ATOSA: variants seen among roughly 807,000 people sequenced by gnomAD.
ATOSA encodes the protein atos homolog protein A.
chr15:52,606,780 GA>G, the ATOSA span, among the ~76,000 whole-genome samples: 1 of 152,086 alleles, frequency 6.6e-6, no homozygotes, highest in East Asian at 1.9e-4. Context: ...ATCTTCTGAA[GA>G]AAAATATAAA....
At chr15:52,643,604 T>C in the ATOSA span, among the ~76,000 whole-genome samples, 9 of 152,112 alleles carry the variant, frequency 5.9e-5, no homozygotes, top group Admixed American at 4.6e-4. Context: ...TTTTTTTTTT[T>C]TGGAACTAAC....
chr15:52,686,652 A>AC, the ATOSA span, among the ~76,000 whole-genome samples: 1 of 152,216 alleles, frequency 6.6e-6, no homozygotes, highest in Non-Finnish European at 1.5e-5. Context: ...AAGCTCAATT[A>AC]GGCATAGAGA....
At chr15:52,658,471 ATTT>A in the ATOSA span, 1 of 350,132 alleles carries the variant, frequency 2.9e-6, no homozygotes, top group East Asian at 4.3e-5. Flanking sequence ...AGTTTTCACC[ATTT>A]TAGACCAGCA....
At chr15:52,608,559 G>A in the ATOSA span, 1 of 1,545,256 alleles carries the variant, frequency 6.5e-7, no homozygotes, top group Non-Finnish European at 8.7e-7. Flanking sequence ...CATATTAGAT[G>A]TTACTTACCA....
At chr15:52,654,813 G>C in the ATOSA span, among the ~76,000 whole-genome samples, 1 of 152,006 alleles carries the variant, frequency 6.6e-6, no homozygotes, top group Admixed American at 6.6e-5. Flanking sequence ...TACTTTAAGA[G>C]ATAACATGCT....
chr15:52,653,819 T>C, the ATOSA span, among the ~76,000 whole-genome samples: 1 of 152,230 alleles, frequency 6.6e-6, no homozygotes. Flanking sequence ...ACGTAGGTAC[T>C]ATGTCTACTT....
chr15:52,679,073 C>G, the ATOSA span: 1 of 152,704 alleles, frequency 6.5e-6, no homozygotes, highest in Non-Finnish European at 1.5e-5. Flanking sequence ...GCGCAGCGGC[C>G]CCCGCGGCTG....
At chr15:52,609,455 C>A in the ATOSA span, 313 of 1,613,558 alleles carry the variant, frequency 1.9e-4, no homozygotes, top group African/African-American at 3.5e-3. Context: ...GCAATCCTTG[C>A]AATAACATCT....
At chr15:52,695,484 T>C in the ATOSA span, among the ~76,000 whole-genome samples, 12 of 152,250 alleles carry the variant, frequency 7.9e-5, no homozygotes, top group Admixed American at 7.9e-4. Context: ...CCGCCTTTTC[T>C]TCCTTTGTGA....
the ATOSA span, among the ~76,000 whole-genome samples, chr15:52,698,474 A>C: frequency 1.3e-5 from 2 of 152,220 alleles, no homozygotes; most frequent in Non-Finnish European, 2.9e-5. Flanking sequence ...TGTTCATAAT[A>C]TCCAAAAGAT....
chr15:52,613,561 T>C, the ATOSA span: 3,870 of 1,243,682 alleles, frequency 3.1e-3, 21 homozygotes, highest in South Asian at 0.016. Flanking sequence ...TTTATGATTA[T>C]GATCAATTTT....
the ATOSA span, chr15:52,677,898 T>C: frequency 7.1e-7 from 1 of 1,408,340 alleles, no homozygotes; most frequent in Non-Finnish European, 1.0e-6. Context: ...TAATCACATA[T>C]GATACAGAAA....
the ATOSA span, among the ~76,000 whole-genome samples, chr15:52,618,629 G>A: frequency 1.3e-5 from 2 of 152,166 alleles, no homozygotes; most frequent in African/African-American, 4.8e-5. Context: ...CTTGCAGTAG[G>A]AATTATCAAG....
chr15:52,692,902 T>C, the ATOSA span, among the ~76,000 whole-genome samples: 1 of 151,900 alleles, frequency 6.6e-6, no homozygotes, highest in Non-Finnish European at 1.5e-5. Context: ...CCTTATGCCT[T>C]GGCCTCCCAA....
At chr15:52,691,895 C>T in the ATOSA span, among the ~76,000 whole-genome samples, 1 of 151,702 alleles carries the variant, frequency 6.6e-6, no homozygotes, top group African/African-American at 2.4e-5. Context: ...GTCAAAGATC[C>T]ACTCCAAAAA....
the ATOSA span, among the ~76,000 whole-genome samples, chr15:52,616,258 C>G: frequency 6.6e-6 from 1 of 152,174 alleles, no homozygotes. Context: ...GTGGTGAAGA[C>G]AGTGGTGAGG....
the ATOSA span, among the ~76,000 whole-genome samples, chr15:52,668,907 AT>A: frequency 0.1 from 14,582 of 142,154 alleles, 921 homozygotes; most frequent in East Asian, 0.34. Context: ...TGGGTTTGAA[AT>A]TTTTTTTTTT....
chr15:52,610,526 C>T, the ATOSA span: 1 of 780,214 alleles, frequency 1.3e-6, no homozygotes, highest in Admixed American at 3.1e-5. Context: ...AGCCACTTTA[C>T]CATGCATATA....
the ATOSA span, among the ~76,000 whole-genome samples, chr15:52,692,369 A>G: frequency 2.0e-5 from 3 of 152,154 alleles, no homozygotes; most frequent in Admixed American, 2.0e-4. Flanking sequence ...AAAGAGGAAA[A>G]CTTTTGACAC....
Sources: allele counts gnomAD v4.1 joint callset (sites outside exome capture counted in the v4.1 genomes callset), GRCh38; gene constraint gnomAD v4.1.1; transcripts MANE v1.5; gene names NCBI Gene and HGNC (gene_info 2026-07-23, HGNC 2026-07-21).